Variants in SEMA3E observed in about 807,000 individuals in gnomAD.
SEMA3E encodes semaphorin-3E.
Under a neutral mutation model 93.6 loss-of-function variants are expected in SEMA3E, and 49 were observed. The observed-to-expected ratio is 0.52, with a 90% CI of 0.42 to 0.66. The LOEUF (loss-of-function observed/expected upper bound fraction) is 0.66, where lower values mean the gene tolerates loss of function less well. Ranked by LOEUF, SEMA3E falls within the 30% of genes least tolerant of loss-of-function variation. The pLI, the probability that SEMA3E is intolerant of heterozygous loss-of-function variation, is 0.00. For synonymous variants in SEMA3E, 363 were observed against 330.7 expected (o/e 1.10, Z -1.06); for missense variants, 906 against 964.8 (o/e 0.94, Z 0.81).
intron 1 of SEMA3E, among the ~76,000 whole-genome samples, chr7:83,612,139 A>G (rs1243648737): frequency 1.3e-5 from 2 of 152,086 alleles, no homozygotes; most frequent in South Asian, 2.1e-4. Flanking sequence ...TGATCATCCT[A>G]TGTAAAAAAG....
intron 1 of SEMA3E, among the ~76,000 whole-genome samples, chr7:83,603,350 G>T (rs1024411728): frequency 6.6e-5 from 10 of 152,032 alleles, no homozygotes; most frequent in African/African-American, 2.4e-4. Flanking sequence ...AGACATAAAA[G>T]AGAGTAAAAA....
intron 4 of SEMA3E, among the ~76,000 whole-genome samples, chr7:83,452,821 G>A (rs1246063469): frequency 6.6e-6 from 1 of 152,108 alleles, no homozygotes; most frequent in Non-Finnish European, 1.5e-5. Context: ...TAGACTGCAA[G>A]CTTCTGGAGA....
At chr7:83,617,078 A>G (rs1793386041) in intron 1 of SEMA3E, among the ~76,000 whole-genome samples, 1 of 152,136 alleles carries the variant, frequency 6.6e-6, no homozygotes, top group South Asian at 2.1e-4. Flanking sequence ...TTTGGTTACA[A>G]TACCAAACTA....
chr7:83,615,654 C>T (rs1793349819), intron 1 of SEMA3E, among the ~76,000 whole-genome samples: 1 of 151,982 alleles, frequency 6.6e-6, no homozygotes, highest in Non-Finnish European at 1.5e-5. Flanking sequence ...TTTTTTACTA[C>T]AGTTGGAAGG....
At chr7:83,575,532 C>T (rs181312405) in intron 1 of SEMA3E, among the ~76,000 whole-genome samples, 16 of 152,162 alleles carry the variant, frequency 1.1e-4, no homozygotes, top group African/African-American at 3.6e-4. Flanking sequence ...CTAACATTTA[C>T]GTTTTCTACC....
chr7:83,524,759 C>T (rs1251798048), intron 1 of SEMA3E, among the ~76,000 whole-genome samples: 1 of 151,938 alleles, frequency 6.6e-6, no homozygotes, highest in African/African-American at 2.4e-5. Flanking sequence ...GGAATTCAAC[C>T]CGTAACTCTC....
At chr7:83,425,882 CA>C (rs1788759964) in intron 4 of SEMA3E, among the ~76,000 whole-genome samples, 1 of 151,742 alleles carries the variant, frequency 6.6e-6, no homozygotes. Context: ...GAACTTAATT[CA>C]AAAGCAAAAA....
rs1360338307 is a variant in SEMA3E at position 83,491,192 on chromosome 7, AGTAG to A, written c.116-922_116-919del. Among the ~76,000 whole-genome samples the A allele has an allele frequency of 1.1e-4, 17 of 152,222 alleles. No individual in the cohort carries two copies. In the East Asian group the frequency reaches 3.1e-3, roughly 28 times the overall value. On this transcript the variant is annotated intron_variant, in intron 1 of 16. Transcript: ENST00000643230. ...AAAATCTAAACAAATGATAATATAAAGTAGGACAAATCTACAGCACTGTGCCCAC... is the reference window on the plus strand; with the variant it reads ...AAAATCTAAACAAATGATAATATAAAGACAAATCTACAGCACTGTGCCCAC...
intron 1 of SEMA3E, among the ~76,000 whole-genome samples, chr7:83,602,981 G>T (rs1793029739): frequency 6.6e-6 from 1 of 152,088 alleles, no homozygotes; most frequent in Non-Finnish European, 1.5e-5. Flanking sequence ...TAGTAAGTGT[G>T]CAATAAATAT....
intron 5 of SEMA3E, among the ~76,000 whole-genome samples, chr7:83,409,574 A>C (rs1483786391): frequency 6.6e-6 from 1 of 152,138 alleles, no homozygotes; most frequent in Non-Finnish European, 1.5e-5. Context: ...TTAAGTTTGC[A>C]ATGTGTATGC....
chr7:83,472,109 T>C (rs1789909856), intron 2 of SEMA3E, among the ~76,000 whole-genome samples: 1 of 152,200 alleles, frequency 6.6e-6, no homozygotes, highest in Admixed American at 6.5e-5. Context: ...AATTGTTACC[T>C]TTTTGTACAT....
In SEMA3E at chr7:83,594,623, T is replaced by C. The variant is rs1792828991; in HGVS notation, c.115+53805A>G. On this transcript the variant is annotated intron_variant, in intron 1 of 16. Transcript: ENST00000643230. ...TTTGCTCCCATATTAGAATATTTAT[T>C]AGTACCAGATCACATGTATGATTTT... is the stretch of plus-strand genomic sequence containing the variant. Among the ~76,000 whole-genome samples, 3 of 152,208 alleles carry C rather than the reference T, an allele frequency of 2.0e-5. No homozygotes were observed. The South Asian group carries it at 6.2e-4, about 31-fold the overall frequency.
chr7:83,618,218 T>C (rs1793469273), intron 1 of SEMA3E, among the ~76,000 whole-genome samples: 1 of 152,048 alleles, frequency 6.6e-6, no homozygotes, highest in Non-Finnish European at 1.5e-5. Flanking sequence ...GCTACTGTTT[T>C]ACTTGTAGTT....
chr7:83,544,462 A>G (rs1562826499), intron 1 of SEMA3E, among the ~76,000 whole-genome samples: 1 of 152,142 alleles, frequency 6.6e-6, no homozygotes, highest in Non-Finnish European at 1.5e-5. Flanking sequence ...GGGAGGCATG[A>G]AAGCTTCACT....
rs558871014 is a variant in SEMA3E, at chr7:83,556,739, G to A, written c.116-66465C>T. ...TGTTTGTGTCCTCTCCAAAACTTAC[G>A]TTGAAACTTAATCCCCAGTGAAACA... is the stretch of plus-strand genomic sequence containing the variant. On this transcript the variant is annotated intron_variant, in intron 1 of 16. Transcript: ENST00000643230. 3.3e-5 allele frequency among the ~76,000 whole-genome samples: 5 copies of A among 152,180 alleles called. No homozygotes were observed. In the South Asian group the frequency reaches 8.3e-4, roughly 25 times the overall value.
At chr7:83,630,476 C>T (rs1793764229) in intron 1 of SEMA3E, among the ~76,000 whole-genome samples, 1 of 152,052 alleles carries the variant, frequency 6.6e-6, no homozygotes, top group Admixed American at 6.6e-5. Flanking sequence ...ATACTGATAG[C>T]AAATGGAAAA....
chr7:83,550,663 C>G (rs1175396364), intron 1 of SEMA3E, among the ~76,000 whole-genome samples: 1 of 152,042 alleles, frequency 6.6e-6, no homozygotes, highest in Non-Finnish European at 1.5e-5. Flanking sequence ...GTTTTAGCAT[C>G]TTACTCTATT....
At chr7:83,422,641 C>A (rs6963051) in intron 4 of SEMA3E, among the ~76,000 whole-genome samples, 81,110 of 152,002 alleles carry the variant, frequency 0.53, 23,483 homozygotes, top group East Asian at 0.85. Flanking sequence ...GACAGTGATA[C>A]TAGGCTGCTT....
intron 1 of SEMA3E, among the ~76,000 whole-genome samples, chr7:83,571,341 C>G (rs1457145273): frequency 1.3e-5 from 2 of 152,060 alleles, no homozygotes; most frequent in Admixed American, 1.3e-4. Flanking sequence ...ACTAGCAAAC[C>G]AAATCCAGCA....
Sources: allele counts gnomAD v4.1 joint callset (sites outside exome capture counted in the v4.1 genomes callset), GRCh38; gene constraint gnomAD v4.1.1; transcripts MANE v1.5; gene names NCBI Gene and HGNC (gene_info 2026-07-23, HGNC 2026-07-21).